The following CTNNAL1 variants were observed in gnomAD, a reference collection of about 807,000 sequenced individuals.
The protein encoded by CTNNAL1 is catenin alpha like 1.
CTNNAL1 carries 69 observed loss-of-function variants against 93.6 expected under a neutral mutation model. The observed-to-expected ratio is 0.74, with a 90% CI of 0.61 to 0.90. The LOEUF is 0.90. Ranked by LOEUF, CTNNAL1 falls within the 40% of genes least tolerant of loss-of-function variation. The pLI is 0.00. For missense variants in CTNNAL1, 836 were observed against 862.0 expected, an observed-to-expected ratio of 0.97 and a Z score of 0.38; for synonymous variants, 286 against 305.4, an observed-to-expected ratio of 0.94 and a Z score of 0.66.
intron 9 of CTNNAL1, among the ~76,000 whole-genome samples, chr9:108,971,170 T>C (rs375734884): frequency 3.3e-5 from 5 of 152,182 alleles, no homozygotes; most frequent in African/African-American, 1.2e-4. Context: ...TTTAAGAATG[T>C]TCCCCCAGAA....
chr9:108,979,290 C>T lies in CTNNAL1; in HGVS notation c.1092G>A (p.Trp364Ter). ...RMELQQLISV[W>*]IQAQSKKTKS... ...TAAAAAAAGTTCTTACAGCTTGAAT[C>T]CACACAGAAATTAACTGCTGCAGTT... The change falls in exon 7 of 19, where the codon TGG (tryptophan) becomes TGA (stop). Residue 364 changes from tryptophan to a stop codon, truncating the protein, a stop_gained. Transcript: ENST00000325551. LOFTEE classifies it high-confidence loss of function. The T allele has an allele frequency of 6.2e-7, 1 of 1,614,084 alleles. No individual in the cohort carries two copies. Among genetic ancestry groups the T allele is most frequent in the Non-Finnish European group, 8.5e-7 (1 of 1,180,002 alleles).
At chr9:109,005,473 A>G (rs1244988446) in intron 1 of CTNNAL1, among the ~76,000 whole-genome samples, 1 of 152,110 alleles carries the variant, frequency 6.6e-6, no homozygotes, top group Non-Finnish European at 1.5e-5. Context: ...CGATTAGTTC[A>G]TGGGGGAGGA....
At chr9:108,966,630 A>C (rs1830961327) in intron 10 of CTNNAL1, among the ~76,000 whole-genome samples, 1 of 152,216 alleles carries the variant, frequency 6.6e-6, no homozygotes, top group Admixed American at 6.5e-5. Flanking sequence ...CATACCATTA[A>C]TCAGGACTTA....
Position 109,013,426 on chromosome 9 carries a change from C to T in CTNNAL1, c.17G>A (p.Gly6Glu). 6.8e-7 allele frequency: 1 copy of T among 1,479,180 alleles called. No homozygotes were observed. Among genetic ancestry groups the T allele is most frequent in the Non-Finnish European group, 9.0e-7 (1 of 1,113,210 alleles). 91.6% of individuals were successfully genotyped at this position (1,479,180 alleles called of 1,614,324 possible). A position where few individuals can be genotyped will look rare whatever the true frequency, so the allele number is the denominator to read the frequency against. ...TCCGGCGCCGCCAACGCCGGCGGGTCCGGGAGAGGCGGCCATGGCCCTCGG... is the reference window on the plus strand; with the variant it reads ...TCCGGCGCCGCCAACGCCGGCGGGTTCGGGAGAGGCGGCCATGGCCCTCGG... MAASP[G>E]PAGVGGAGAV... Residue 6 changes from glycine (G) to glutamate (E), a missense_variant, in exon 1 of 19, where the codon GGA (glycine) becomes GAA (glutamate). Transcript: ENST00000325551.
chr9:108,969,524 C>G (rs1478080164), intron 10 of CTNNAL1, among the ~76,000 whole-genome samples: 1 of 151,830 alleles, frequency 6.6e-6, no homozygotes, highest in Non-Finnish European at 1.5e-5. Flanking sequence ...AAATCTGTAC[C>G]CTACTTTTTT....
chr9:108,995,106 G>A (rs1307552669), intron 2 of CTNNAL1, among the ~76,000 whole-genome samples: 2 of 152,170 alleles, frequency 1.3e-5, no homozygotes, highest in Admixed American at 6.5e-5. Context: ...CATAGTAAAT[G>A]TTTGTGGTTT....
chr9:108,978,080 T>C (rs924181218), intron 7 of CTNNAL1, among the ~76,000 whole-genome samples: 4 of 152,238 alleles, frequency 2.6e-5, no homozygotes, highest in Admixed American at 2.6e-4. Context: ...TTGTGACATT[T>C]GCTAATTGCA....
At chr9:108,948,881 T>C (rs1830478021) in intron 14 of CTNNAL1, among the ~76,000 whole-genome samples, 1 of 152,178 alleles carries the variant, frequency 6.6e-6, no homozygotes, top group Non-Finnish European at 1.5e-5. Flanking sequence ...ATCTGGAATC[T>C]AGTAGCAACC....
chr9:108,966,547 T>G (rs1830958647), intron 10 of CTNNAL1, among the ~76,000 whole-genome samples: 1 of 146,856 alleles, frequency 6.8e-6, no homozygotes, highest in African/African-American at 2.6e-5. Context: ...CAGGCTCCAG[T>G]AGGGACTTTG....
rs900938856 is a variant in CTNNAL1, at chr9:108,955,808, A to T, written c.1611T>A (p.Leu537=). ...TACTTACCATTGGCTTTGGAAGTGA[A>T]AGGTAGCCATACTTCTCTCCTACAA... ...EGRRGEKYGY[L]SLPKPMKNNA... is the part of the protein sequence containing the mutation. Residue 537 remains leucine (L), a synonymous_variant, in exon 12 of 19, where the codon CTT becomes CTA. Coordinates refer to ENST00000325551, the MANE Select transcript of CTNNAL1 (RefSeq NM_003798.4). The T allele has an allele frequency of 6.2e-7, 1 of 1,602,162 alleles. No individual in the cohort carries two copies. Among genetic ancestry groups the T allele is most frequent in the Non-Finnish European group, 8.5e-7 (1 of 1,174,426 alleles).
At chr9:108,987,502 G>A (rs1831650685) in intron 4 of CTNNAL1, among the ~76,000 whole-genome samples, 1 of 152,004 alleles carries the variant, frequency 6.6e-6, no homozygotes, top group Non-Finnish European at 1.5e-5. Flanking sequence ...GGATTGACTT[G>A]GCAATGCGGG....
At position 108,999,084 on chromosome 9, in the gene CTNNAL1, A is replaced by T; in HGVS notation, c.314T>A (p.Ile105Asn). The change falls in exon 2 of 19, where the codon ATT becomes AAT. Residue 105 changes from isoleucine (I) to asparagine (N), a missense_variant. By Grantham distance (149) the Ile-to-Asn change is moderately radical. Transcript: ENST00000325551. ...DLKEEINIAC[I>N]EAKQAGETIA... ...CCACCTACCTGCTTGTTTAGCTTCA[A>T]TACAAGCAATATTTATTTCTTCTTT... The T allele has an allele frequency of 6.2e-7, 1 of 1,609,500 alleles. No individual in the cohort carries two copies.
chr9:108,992,012 G>C (rs759947919), intron 3 of CTNNAL1: 6 of 748,684 alleles, frequency 8.0e-6, no homozygotes, highest in Non-Finnish European at 1.5e-5. Flanking sequence ...TTGTAGTTGT[G>C]GATAATTATC....
intron 7 of CTNNAL1, chr9:108,977,449 A>G (rs1831297833): frequency 6.5e-6 from 1 of 152,710 alleles, no homozygotes; most frequent in South Asian, 2.1e-4. Context: ...GATCTTACAT[A>G]AATGTCTTTT....
chr9:108,954,816 C>T (rs748474096), intron 12 of CTNNAL1, among the ~76,000 whole-genome samples: 72 of 149,750 alleles, frequency 4.8e-4, no homozygotes, highest in Admixed American at 1.5e-3. Flanking sequence ...ATCATTTGTT[C>T]TTCCCCTACA....
chr9:108,977,840 G>A (rs1182397749), intron 7 of CTNNAL1, among the ~76,000 whole-genome samples: 1 of 152,004 alleles, frequency 6.6e-6, no homozygotes, highest in East Asian at 1.9e-4. Context: ...TTTCTCTTAG[G>A]ATACTTACAA....
At chr9:108,968,727 C>T (rs1831026216) in intron 10 of CTNNAL1, among the ~76,000 whole-genome samples, 1 of 152,164 alleles carries the variant, frequency 6.6e-6, no homozygotes, top group Non-Finnish European at 1.5e-5. Context: ...ATCATCCCTC[C>T]AACATCCAAC....
intron 4 of CTNNAL1, among the ~76,000 whole-genome samples, chr9:108,984,661 C>A (rs979045540): frequency 5.9e-5 from 9 of 152,056 alleles, no homozygotes; most frequent in African/African-American, 2.2e-4. Flanking sequence ...GGCTAGAGAG[C>A]CAGAAACTGA....
chr9:108,998,121 C>A (rs989114563), intron 2 of CTNNAL1, among the ~76,000 whole-genome samples: 1 of 152,194 alleles, frequency 6.6e-6, no homozygotes, highest in Non-Finnish European at 1.5e-5. Context: ...AATTCCCTAT[C>A]CCAGGAGTTC....
Sources: gnomAD v4.1 joint callset for allele counts (sites outside exome capture counted in the v4.1 genomes callset) on GRCh38, gnomAD v4.1.1 for gene constraint, MANE v1.5 for transcripts, NCBI Gene and HGNC (gene_info 2026-07-23, HGNC 2026-07-21) for gene names.